The following HMCN1 variants were observed in gnomAD, a reference collection of about 807,000 sequenced individuals.
The protein encoded by HMCN1 is hemicentin-1.
In HMCN1, 321 loss-of-function variants were observed where a neutral mutation model predicts 625.9. That is an observed-to-expected ratio of 0.51 (90% confidence interval 0.47 to 0.56). HMCN1 has a LOEUF of 0.56. HMCN1 is among the 20% of genes least tolerant of loss of function. The pLI, the probability that HMCN1 is intolerant of heterozygous loss-of-function variation, is 0.00. For missense variants in HMCN1, 6,588 were observed against 6,887.3 expected (o/e 0.96, Z 1.54); for synonymous variants, 2,425 against 2,417.6 (o/e 1.00, Z -0.09).
intron 4 of HMCN1, among the ~76,000 whole-genome samples, chr1:185,870,932 G>A (rs1200879907): frequency 6.6e-6 from 1 of 152,072 alleles, no homozygotes; most frequent in Non-Finnish European, 1.5e-5. Context: ...GCCCTGTTGA[G>A]GTGTTCCATA....
intron 1 of HMCN1, among the ~76,000 whole-genome samples, chr1:185,735,940 G>A (rs1320577346): frequency 6.6e-6 from 1 of 152,186 alleles, no homozygotes; most frequent in African/African-American, 2.4e-5. Flanking sequence ...TTGAAGAAAT[G>A]AAGCAGTGAT....
At chr1:186,166,072 T>C (rs181317894) in intron 98 of HMCN1, 112 bp from the exon 99 acceptor site, 4 of 1,114,986 alleles carry the variant, frequency 3.6e-6, no homozygotes, top group East Asian at 2.4e-5. Context: ...TTTTCTATTA[T>C]ATTTGATTCA....
chr1:186,116,052 AT>A (rs539141036), intron 75 of HMCN1, among the ~76,000 whole-genome samples: 282 of 152,228 alleles, frequency 1.9e-3, no homozygotes, highest in African/African-American at 3.9e-3. Context: ...ATGCTCTCTT[AT>A]GTCCACTTTA....
At chr1:186,141,679 ATTT>A (rs1649973254) in intron 89 of HMCN1, among the ~76,000 whole-genome samples, 1 of 152,178 alleles carries the variant, frequency 6.6e-6, no homozygotes, top group South Asian at 2.1e-4. Flanking sequence ...CTTATGTAGG[ATTT>A]ACTATGTGTC....
In HMCN1 at chr1:186,078,113, G is replaced by A. The variant is rs370319273; in HGVS notation, c.8492G>A (p.Arg2831Gln). ...AGTGGGATATTATTTTCAGGAGGGC[G>A]AGTGTTGCAGATTCCTCGGGCTAAA... is the stretch of plus-strand genomic sequence containing the variant. ...SDKVLILPGG[R>Q]VLQIPRAKVE... Residue 2831 changes from arginine (R) to glutamine (Q), a missense_variant, in exon 55 of 107, where the codon CGA becomes CAA. Physicochemically the swap from Arg to Gln is conservative, Grantham distance 43 (BLOSUM62 1). This residue lies in a region of HMCN1 where 4,628 missense variants were observed against 4,853.1 expected (regional missense o/e 0.95). Coordinates refer to ENST00000271588, the MANE Select transcript of HMCN1 (RefSeq NM_031935.3). 1.2e-5 allele frequency: 19 copies of A among 1,611,430 alleles called. No homozygotes were observed. Among genetic ancestry groups the A allele is most frequent in the African/African-American group, 2.7e-5 (2 of 74,990 alleles).
intron 1 of HMCN1, among the ~76,000 whole-genome samples, chr1:185,743,299 G>A (rs1191497960): frequency 1.3e-5 from 2 of 152,282 alleles, no homozygotes; most frequent in Middle Eastern, 6.8e-3. Flanking sequence ...TAACTCACAA[G>A]TAGAAGAATA....
chr1:186,123,383 A>G (rs1661490571), intron 81 of HMCN1, among the ~76,000 whole-genome samples, 163 bp downstream of exon 81: 1 of 152,156 alleles, frequency 6.6e-6, no homozygotes, highest in Non-Finnish European at 1.5e-5. Context: ...TGTTTTCTGT[A>G]GGCTGTGTTT....
chr1:185,843,568 C>T (rs974725704), intron 1 of HMCN1, among the ~76,000 whole-genome samples: 2 of 152,124 alleles, frequency 1.3e-5, no homozygotes, highest in African/African-American at 4.8e-5. Context: ...AATGACACAG[C>T]TGGCACAGGG....
chr1:186,035,660 C>A (rs1029030646), intron 36 of HMCN1, among the ~76,000 whole-genome samples: 5 of 152,012 alleles, frequency 3.3e-5, no homozygotes, highest in Admixed American at 6.6e-5. Context: ...ATCTTGATTT[C>A]ATCTTTAATG....
intron 4 of HMCN1, among the ~76,000 whole-genome samples, chr1:185,878,516 A>C (rs1269429978): frequency 6.6e-6 from 1 of 151,896 alleles, no homozygotes; most frequent in Non-Finnish European, 1.5e-5. Flanking sequence ...TTTTGTTTTT[A>C]ATTCTGTTTG....
At chr1:185,945,220 A>G (rs981718603) in intron 11 of HMCN1, among the ~76,000 whole-genome samples, 22 of 152,256 alleles carry the variant, frequency 1.4e-4, no homozygotes, top group Admixed American at 4.6e-4. Context: ...AAACTGGTAG[A>G]TAAGGATTAT....
chr1:185,894,053 TG>T (rs1294331042), intron 4 of HMCN1, among the ~76,000 whole-genome samples: 2 of 149,114 alleles, frequency 1.3e-5, no homozygotes, highest in African/African-American at 5.2e-5. Flanking sequence ...GAGAATGGCG[TG>T]AACCCGGGAG....
intron 1 of HMCN1, among the ~76,000 whole-genome samples, chr1:185,780,026 G>T (rs1325448279): frequency 4.6e-5 from 7 of 152,172 alleles, no homozygotes; most frequent in Non-Finnish European, 8.8e-5. Context: ...ATTTCATTGA[G>T]CAGAGGTTTG....
intron 1 of HMCN1, among the ~76,000 whole-genome samples, chr1:185,840,631 C>G (rs1661420892): frequency 6.6e-6 from 1 of 152,116 alleles, no homozygotes; most frequent in African/African-American, 2.4e-5. Context: ...ATCTGTACTA[C>G]TTGGCTCTTC....
rs775430419 is a variant in HMCN1, at chr1:186,166,199, C to A, written c.15335C>A (p.Ala5112Glu). 6.2e-6 allele frequency: 10 copies of A among 1,613,802 alleles called. No individual in the cohort carries two copies. The highest frequency in any genetic ancestry group is 7.6e-6 in the Non-Finnish European group (9 of 1,179,906). ...CTTCTTTAAGATGAGGATGAATGTG[C>A]AGCAGGGAATCCCTGCTCCCATAGC... is the stretch of plus-strand genomic sequence containing the variant. ...GPFCADEDEC[A>E]AGNPCSHSCH... The change falls in exon 99 of 107, where the codon GCA becomes GAA. Residue 5112 changes from alanine (A) to glutamate (E), a missense_variant. Ala to Glu is a moderately radical substitution (Grantham distance 107). Coordinates refer to ENST00000271588, the MANE Select transcript of HMCN1 (RefSeq NM_031935.3).
At chr1:186,075,934 C>T (rs1658785067) in intron 53 of HMCN1, among the ~76,000 whole-genome samples, 1 of 152,100 alleles carries the variant, frequency 6.6e-6, no homozygotes. Flanking sequence ...AATTGCCTTT[C>T]ATAAAGTTCA....
At chr1:185,752,794 C>G (rs1485405036) in intron 1 of HMCN1, among the ~76,000 whole-genome samples, 1 of 152,162 alleles carries the variant, frequency 6.6e-6, no homozygotes, top group Non-Finnish European at 1.5e-5. Flanking sequence ...TTGTACCAAA[C>G]TACTTTCCTG....
Position 186,001,609 on chromosome 1 carries a change from A to G in HMCN1, c.4216A>G (p.Thr1406Ala). Reference sequence around the variant, plus strand: ...GCCCTTAAAGGTGACTGAAAGCAGCACTATTCAGACTGTGAACAATGGGAA... The same window carrying G: ...GCCCTTAAAGGTGACTGAAAGCAGCGCTATTCAGACTGTGAACAATGGGAA... ...KDNVQVTESSTIQTVNNGKIL... is the reference protein window; with the variant it reads ...KDNVQVTESSAIQTVNNGKIL... The change falls in exon 28 of 107, where the codon ACT becomes GCT. Residue 1406 changes from threonine (T) to alanine (A), a missense_variant. Physicochemically the swap from Thr to Ala is moderately conservative, Grantham distance 58. This residue lies in a region of HMCN1 where 4,628 missense variants were observed against 4,853.1 expected (regional missense o/e 0.95). Coordinates refer to ENST00000271588, the MANE Select transcript of HMCN1 (RefSeq NM_031935.3). 2 of 1,613,202 alleles carry G rather than the reference A, an allele frequency of 1.2e-6. No individual in the cohort carries two copies. Among genetic ancestry groups the G allele is most frequent in the Non-Finnish European group, 1.7e-6 (2 of 1,179,340 alleles).
intron 11 of HMCN1, among the ~76,000 whole-genome samples, chr1:185,935,411 T>C (rs1352357186): frequency 6.6e-6 from 1 of 152,116 alleles, no homozygotes; most frequent in African/African-American, 2.4e-5. Flanking sequence ...TCTCAAGTAG[T>C]TCCATGGACA....
Sources: gnomAD v4.1 joint callset for allele counts (sites outside exome capture counted in the v4.1 genomes callset) on GRCh38, gnomAD v4.1.1 for gene constraint, gnomAD v4.1.1 regional missense constraint, MANE v1.5 for transcripts, NCBI Gene and HGNC (gene_info 2026-07-23, HGNC 2026-07-21) for gene names.